SORCS3: variants seen among roughly 807,000 people sequenced by gnomAD.
The protein encoded by SORCS3 is sortilin related VPS10 domain containing receptor 3.
Under a neutral mutation model 146.3 loss-of-function variants are expected in SORCS3, and 57 were observed. That is an observed-to-expected ratio of 0.39 (90% CI 0.31 to 0.49). SORCS3 has a LOEUF of 0.49. SORCS3 is among the 20% of genes least tolerant of loss of function. The pLI is 0.92. For missense variants in SORCS3, 1,341 were observed against 1,575.5 expected (o/e 0.85, Z 2.52); for synonymous variants, 653 against 618.5 (o/e 1.06, Z -0.83).
chr10:105,029,048 G>A (rs2055248159), intron 4 of SORCS3, among the ~76,000 whole-genome samples: 1 of 152,166 alleles, frequency 6.6e-6, no homozygotes, highest in Non-Finnish European at 1.5e-5. Context: ...AAACGGGTGG[G>A]TCATAGTTGG....
chr10:104,966,772 T>A (rs1171195891), intron 3 of SORCS3, among the ~76,000 whole-genome samples: 1 of 152,168 alleles, frequency 6.6e-6, no homozygotes, highest in Non-Finnish European at 1.5e-5. Flanking sequence ...ACATCTCCAA[T>A]ACTAATGTTG....
chr10:105,230,938 T>C (rs984235147), intron 20 of SORCS3, among the ~76,000 whole-genome samples: 2 of 152,140 alleles, frequency 1.3e-5, no homozygotes, highest in African/African-American at 4.8e-5. Context: ...CTTATGTCAG[T>C]TTCAGGGCCC....
At chr10:105,259,531 T>TTTA (rs1271327619) in intron 25 of SORCS3, among the ~76,000 whole-genome samples, 1 of 152,204 alleles carries the variant, frequency 6.6e-6, no homozygotes, top group East Asian at 1.9e-4. Flanking sequence ...TAAATGAGTA[T>TTTA]CACCTGGCCT....
At chr10:104,664,718 T>C (rs2015747011) in intron 1 of SORCS3, 1 of 152,218 alleles carries the variant, frequency 6.6e-6, no homozygotes, top group African/African-American at 2.4e-5. Context: ...CATGTGTGTA[T>C]TGCAGATGCT....
At chr10:104,854,892 A>G (rs1030184153) in intron 2 of SORCS3, among the ~76,000 whole-genome samples, 37 of 152,168 alleles carry the variant, frequency 2.4e-4, no homozygotes, top group African/African-American at 8.4e-4. Context: ...GTGTATCAAT[A>G]CTTCCCTTTT....
chr10:104,665,684 C>A (rs998110692), intron 1 of SORCS3: 2 of 152,254 alleles, frequency 1.3e-5, no homozygotes, highest in African/African-American at 4.8e-5. Context: ...AGATGGCAAA[C>A]AGCATTGTGT....
chr10:104,850,737 A>G (rs1237425762), intron 2 of SORCS3, among the ~76,000 whole-genome samples: 1 of 152,210 alleles, frequency 6.6e-6, no homozygotes, highest in African/African-American at 2.4e-5. Flanking sequence ...AAATAAAGGT[A>G]TTAGACGAAA....
At chr10:105,086,553 A>T (rs2133738024) in intron 5 of SORCS3, among the ~76,000 whole-genome samples, 1 of 152,252 alleles carries the variant, frequency 6.6e-6, no homozygotes, top group Non-Finnish European at 1.5e-5. Context: ...ATGAGGGAAG[A>T]GTTTCTTTGC....
chr10:105,046,531 C>T (rs774213635), intron 5 of SORCS3, among the ~76,000 whole-genome samples: 3 of 152,070 alleles, frequency 2.0e-5, no homozygotes, highest in Non-Finnish European at 2.9e-5. Context: ...CCGTCATCTA[C>T]AGTGATGATT....
chr10:105,261,119 T>C (rs1396931578), intron 25 of SORCS3, among the ~76,000 whole-genome samples: 1 of 152,152 alleles, frequency 6.6e-6, no homozygotes, highest in Admixed American at 6.5e-5. Flanking sequence ...ATGGGGCTGT[T>C]AGTATAGTGG....
chr10:105,135,826 A>G (rs2056055232), intron 7 of SORCS3, among the ~76,000 whole-genome samples: 1 of 152,128 alleles, frequency 6.6e-6, no homozygotes, highest in Non-Finnish European at 1.5e-5. Context: ...CCTCATTTCC[A>G]TCTAAGACTT....
intron 8 of SORCS3, among the ~76,000 whole-genome samples, chr10:105,144,687 T>C (rs2056118428): frequency 6.6e-6 from 1 of 152,158 alleles, no homozygotes; most frequent in African/African-American, 2.4e-5. Context: ...TTTACTCTTA[T>C]TGCATTTTCC....
At chr10:104,974,592 T>C (rs1473771070) in intron 3 of SORCS3, among the ~76,000 whole-genome samples, 6 of 152,204 alleles carry the variant, frequency 3.9e-5, no homozygotes, top group Admixed American at 3.3e-4. Context: ...CGTGTGTCTC[T>C]ACACGTGAGA....
intron 7 of SORCS3, among the ~76,000 whole-genome samples, chr10:105,114,300 GA>G (rs925284046): frequency 2.2e-4 from 34 of 151,440 alleles, no homozygotes; most frequent in African/African-American, 8.0e-4. Flanking sequence ...AACACAAGAG[GA>G]AAAAAAAGTC....
At chr10:105,197,474 G>A (rs994650204) in intron 14 of SORCS3, among the ~76,000 whole-genome samples, 3 of 152,054 alleles carry the variant, frequency 2.0e-5, no homozygotes, top group African/African-American at 7.2e-5. Flanking sequence ...TATCCTTCTT[G>A]AATGGTAACA....
intron 3 of SORCS3, among the ~76,000 whole-genome samples, chr10:104,929,578 G>A (rs572872442): frequency 9.2e-5 from 14 of 152,348 alleles, no homozygotes; most frequent in African/African-American, 3.4e-4. Flanking sequence ...ACACTGAGTT[G>A]GTCCCAAAGG....
chr10:104,917,433 G>A (rs2019042729), intron 3 of SORCS3, among the ~76,000 whole-genome samples: 1 of 152,132 alleles, frequency 6.6e-6, no homozygotes, highest in Non-Finnish European at 1.5e-5. Context: ...CATATGCATT[G>A]TGGAATGGTT....
intron 1 of SORCS3, among the ~76,000 whole-genome samples, chr10:104,750,800 T>A (rs185277278): frequency 6.6e-6 from 1 of 152,300 alleles, no homozygotes; most frequent in East Asian, 1.9e-4. Context: ...AAATATTAAA[T>A]AGCTTGGGAA....
chr10:105,182,230 CTTTT>C (rs11340368), intron 14 of SORCS3, among the ~76,000 whole-genome samples: 140 of 70,480 alleles, frequency 2.0e-3, no homozygotes, highest in African/African-American at 6.9e-3. Flanking sequence ...TATTCAGCAT[CTTTT>C]TTTTTTTTTT....
Sources: allele counts gnomAD v4.1 joint callset (sites outside exome capture counted in the v4.1 genomes callset), GRCh38; gene constraint gnomAD v4.1.1; transcripts MANE v1.5; gene names NCBI Gene and HGNC (gene_info 2026-07-23, HGNC 2026-07-21).